Variants in VWA8 observed in about 807,000 individuals in gnomAD.
VWA8 encodes von Willebrand factor A domain-containing protein 8.
In VWA8, 221 loss-of-function variants were observed where a neutral mutation model predicts 241.5. The observed-to-expected ratio is 0.91, with a 90% CI of 0.82 to 1.02. The LOEUF (loss-of-function observed/expected upper bound fraction) is 1.02. Ranked by LOEUF, VWA8 falls within the 50% of genes least tolerant of loss-of-function variation. The pLI is 0.00. For missense variants in VWA8, 2,322 were observed against 2,328.7 expected (o/e 1.00, Z 0.06); for synonymous variants, 852 against 827.1 (o/e 1.03, Z -0.52).
intron 39 of VWA8, among the ~76,000 whole-genome samples, chr13:41,609,664 A>G (rs1181581367): frequency 2.0e-5 from 3 of 152,222 alleles, no homozygotes; most frequent in Non-Finnish European, 4.4e-5. Context: ...ACATGAAAGT[A>G]GAAAGCAACA....
At chr13:41,582,505 G>C (rs1205547763) in intron 42 of VWA8, among the ~76,000 whole-genome samples, 1 of 152,140 alleles carries the variant, frequency 6.6e-6, no homozygotes, top group African/African-American at 2.4e-5. Context: ...TCTGGAACTG[G>C]GGCTGGGGAG....
Position 41,816,693 on chromosome 13 carries a change from C to T in VWA8, c.1947+5G>A. The T allele has an allele frequency of 6.2e-7, 1 of 1,612,454 alleles. No homozygotes were observed. Among genetic ancestry groups the T allele is most frequent in the Non-Finnish European group, 8.5e-7 (1 of 1,179,062 alleles). On this transcript the variant is annotated splice_donor_5th_base_variant and intron_variant, in intron 16 of 44. Transcript: ENST00000379310. ...GAAAATCCTGTGGAAAAAGCCTAGA[C>T]TTACCGTTGGATCCTGTGTTTCTCT...
chr13:41,670,873 T>A, intron 37 of VWA8, 73 bp downstream of exon 37: 2 of 1,559,154 alleles, frequency 1.3e-6, no homozygotes, highest in Non-Finnish European at 1.8e-6. Context: ...GAAATTTTCA[T>A]GACTGTGGCA....
chr13:41,830,588 T>C lies in VWA8; in HGVS notation c.1641A>G (p.Glu547=). The C allele has an allele frequency of 1.2e-6, 2 of 1,613,956 alleles. No individual in the cohort carries two copies. The highest frequency in any genetic ancestry group is 1.7e-6 in the Non-Finnish European group (2 of 1,179,900). The change falls in exon 14 of 45, where the codon GAA becomes GAG. Residue 547 remains glutamate (E), a synonymous_variant. Coordinates refer to ENST00000379310, the MANE Select transcript of VWA8 (RefSeq NM_015058.2). ...SLYDGSRLLR[E]DRYMRLKEEL... ...CCTCCTTTAAACGCATATACCTGTC[T>C]TCTCTCAGCAGCCTAGAACCATCAT...
chr13:41,907,473 G>T (rs993103630), intron 4 of VWA8, 113 bp downstream of exon 4: 1 of 831,742 alleles, frequency 1.2e-6, no homozygotes, highest in African/African-American at 1.7e-5. Flanking sequence ...TCTAGAGAGA[G>T]CACAATACAA....
chr13:41,941,737 C>A (rs1877608029), intron 2 of VWA8, among the ~76,000 whole-genome samples: 1 of 152,124 alleles, frequency 6.6e-6, no homozygotes, highest in African/African-American at 2.4e-5. Flanking sequence ...GCACTAAGCA[C>A]CAGGCAGTAT....
chr13:41,875,492 C>A (rs1593836390), intron 9 of VWA8, among the ~76,000 whole-genome samples: 1 of 152,036 alleles, frequency 6.6e-6, no homozygotes, highest in East Asian at 1.9e-4. Context: ...TTCATTGATA[C>A]ATATGAATTA....
In VWA8 at chr13:41,811,283, G is replaced by C. The variant is rs750141254; in HGVS notation, c.2005C>G (p.Leu669Val). Reference protein sequence around the residue: ...TRQLLRISRRLSQYPNENLHS... With the variant: ...TRQLLRISRRVSQYPNENLHS... ...AGATTTTCATTAGGATACTGTGACA[G>C]CCGACGAGAAATTCGCAACAGTTGT... The change falls in exon 17 of 45, where the codon CTG becomes GTG. Residue 669 changes from leucine to valine, a missense_variant. Leu to Val is a conservative substitution (Grantham distance 32, BLOSUM62 1). Transcript: ENST00000379310. 1 of 1,611,254 alleles carries C rather than the reference G, an allele frequency of 6.2e-7. No individual in the cohort carries two copies. The highest frequency in any genetic ancestry group is 8.5e-7 in the Non-Finnish European group (1 of 1,177,830).
At chr13:41,691,285 ACAT>A (rs1566416635) in intron 32 of VWA8, 32 bp downstream of exon 32, 1 of 1,599,812 alleles carries the variant, frequency 6.3e-7, no homozygotes, top group Non-Finnish European at 8.5e-7. Flanking sequence ...TTGAGCTACA[ACAT>A]ACTCCATGAT....
At chr13:41,876,913 G>A (rs926137056) in intron 9 of VWA8, among the ~76,000 whole-genome samples, 6 of 152,032 alleles carry the variant, frequency 3.9e-5, no homozygotes, top group Admixed American at 6.6e-5. Context: ...ATCCTGAAAT[G>A]TTCAATCTGC....
chr13:41,917,338 T>C (rs1002769599), intron 2 of VWA8, among the ~76,000 whole-genome samples: 1 of 152,176 alleles, frequency 6.6e-6, no homozygotes, highest in Non-Finnish European at 1.5e-5. Context: ...CAGACAGACC[T>C]ACTGTGATTT....
intron 42 of VWA8, among the ~76,000 whole-genome samples, chr13:41,587,202 G>A (rs371155684): frequency 1.3e-5 from 2 of 152,166 alleles, no homozygotes; most frequent in East Asian, 1.9e-4. Context: ...GGGCAAGAGT[G>A]GGTGGGTATG....
intron 26 of VWA8, chr13:41,719,336 G>T: frequency 7.7e-7 from 1 of 1,302,572 alleles, no homozygotes; most frequent in Non-Finnish European, 9.8e-7. Context: ...GACTGAGACT[G>T]TTAAAGAAAC....
intron 43 of VWA8, among the ~76,000 whole-genome samples, chr13:41,573,723 T>C (rs2044331129): frequency 1.3e-5 from 2 of 151,062 alleles, no homozygotes; most frequent in Non-Finnish European, 2.9e-5. Flanking sequence ...GTTCGGGCGG[T>C]TCTCCTGCCT....
intron 21 of VWA8, among the ~76,000 whole-genome samples, chr13:41,758,392 ACG>A (rs2045711225): frequency 1.3e-4 from 2 of 14,842 alleles, no homozygotes; most frequent in Non-Finnish European, 3.5e-4. Flanking sequence ...ATATATATAT[ACG>A]CTAGTATATA....
intron 2 of VWA8, chr13:41,926,447 T>C (rs1263102530): frequency 3.8e-6 from 2 of 526,222 alleles, no homozygotes; most frequent in African/African-American, 3.8e-5. Flanking sequence ...TTTCATCACT[T>C]ATGACAATGC....
chr13:41,807,620 G>T (rs971775610), intron 17 of VWA8: 8 of 152,134 alleles, frequency 5.3e-5, no homozygotes, highest in Non-Finnish European at 1.2e-4. Context: ...TGCTGAAAAA[G>T]AATTTTATAA....
At position 41,833,411 on chromosome 13, in the gene VWA8, T is replaced by C. The variant is rs1871562525; in HGVS notation, c.1546A>G (p.Ile516Val). 4.3e-6 allele frequency: 7 copies of C among 1,613,708 alleles called. No individual in the cohort carries two copies. In the African/African-American group the frequency reaches 5.3e-5, roughly 12 times the overall value. Residue 516 changes from isoleucine to valine, a missense_variant, in exon 13 of 45, where the codon ATT (isoleucine) becomes GTT (valine). By Grantham distance (29) the Ile-to-Val change is conservative. Coordinates refer to ENST00000379310, the MANE Select transcript of VWA8 (RefSeq NM_015058.2). ...LEGKLVLLDG[I>V]HRVNAGTLAV... ...AGCGTGCCCGCATTCACCCGGTGAA[T>C]GCCATCCAGCAGGACCAGCTTGCCT...
In VWA8 at chr13:41,797,878, GA is replaced by G. The variant is rs552709432; in HGVS notation, c.2064-10336del. Among the ~76,000 whole-genome samples the G allele has an allele frequency of 3.8e-3, 584 of 152,064 alleles. 8 individuals are homozygous for G. Among genetic ancestry groups the G allele is most frequent in the African/African-American group, 0.013 (551 of 41,496 alleles). Reference sequence around the variant, plus strand: ...AATCAGAATCTCTAACTGTTATCTGGAAAGTTTAATCTTGTGTAATATTTGT... The same window carrying G: ...AATCAGAATCTCTAACTGTTATCTGGAAGTTTAATCTTGTGTAATATTTGT... On this transcript the variant is annotated intron_variant, in intron 17 of 44. Transcript: ENST00000379310.
Sources: allele counts gnomAD v4.1 joint callset (sites outside exome capture counted in the v4.1 genomes callset), GRCh38; gene constraint gnomAD v4.1.1; transcripts MANE v1.5; gene names NCBI Gene and HGNC (gene_info 2026-07-23, HGNC 2026-07-21).